Variants in EIF5A observed in about 807,000 individuals in gnomAD.
The protein encoded by EIF5A is eukaryotic translation initiation factor 5A.
A neutral mutation model predicts 16.6 loss-of-function variants in EIF5A; 1 was observed. The observed-to-expected ratio is 0.06, with a 90% CI of 0.02 to 0.28. The LOEUF (loss-of-function observed/expected upper bound fraction) is 0.28. Among genes scored for constraint, EIF5A ranks in the 10% least tolerant of loss-of-function variants. The pLI is 1.00. For missense variants in EIF5A, 29 were observed against 196.1 expected (o/e 0.15, Z 5.09); for synonymous variants, 80 against 73.6 (o/e 1.09, Z -0.44).
chr17:7,310,501 C>G, intron 2 of EIF5A: 1 of 1,170,534 alleles, frequency 8.5e-7, no homozygotes, highest in Non-Finnish European at 1.1e-6. Context: ...TGACATTGAT[C>G]TTGGATTATT....
intron 1 of EIF5A, chr17:7,308,454 G>A (rs2072702800): frequency 2.2e-6 from 3 of 1,338,572 alleles, no homozygotes; most frequent in Non-Finnish European, 3.0e-6. Flanking sequence ...GTGGAAGCCG[G>A]AGGCTCGGGT....
chr17:7,311,693 T>TAA, intron 5 of EIF5A, 42 bp downstream of exon 5: 5 of 1,612,204 alleles, frequency 3.1e-6, no homozygotes, highest in Non-Finnish European at 4.2e-6. Flanking sequence ...CACATTTTGT[T>TAA]GTCCTCAGCA....
chr17:7,307,629 T>A lies in EIF5A; in HGVS notation c.-145T>A. ...GGTCAGTGGGGAGTCGGCGCCTGCGTACTAAGACCCGTGTGCAGCAGCGGC... is the reference window on the plus strand; with the variant it reads ...GGTCAGTGGGGAGTCGGCGCCTGCGAACTAAGACCCGTGTGCAGCAGCGGC... On this transcript the variant is annotated 5_prime_UTR_variant, in exon 1 of 6. Transcript: ENST00000336458. 1 of 1,032,922 alleles carries A rather than the reference T, an allele frequency of 9.7e-7. No homozygotes were observed. The highest frequency in any genetic ancestry group is 1.2e-6 in the Non-Finnish European group (1 of 859,854). The allele number at this position is 1,032,922 out of a possible 1,614,324, so 64.0% of individuals were successfully genotyped here. A position where few individuals can be genotyped will look rare whatever the true frequency, so the allele number is the denominator to read the frequency against.
chr17:7,311,326 G>C (rs1448882966), intron 3 of EIF5A, 24 bp from the exon 4 acceptor site: 1 of 1,613,948 alleles, frequency 6.2e-7, no homozygotes, highest in Admixed American at 1.7e-5. Context: ...ACTACCTTCA[G>C]CCTCCTTCCC....
chr17:7,309,584 T>G (rs2072753258), intron 1 of EIF5A, 31 bp from the exon 2 acceptor site: 3 of 1,613,384 alleles, frequency 1.9e-6, no homozygotes, highest in East Asian at 2.2e-5. Flanking sequence ...ACCTCCATGC[T>G]TATTCACTTC....
rs1023538696 is a variant in EIF5A at position 7,311,970 on chromosome 17, G to A, written c.*160G>A. On this transcript the variant is annotated 3_prime_UTR_variant, in exon 6 of 6. Transcript: ENST00000336458. The stretch of plus-strand genomic sequence containing the variant: ...GTTTTCCCCACCCCCTCAATCTGTC[G>A]GGGAGCCCCTGCCCTTCACCTAGCT... The A allele has an allele frequency of 1.2e-5, 5 of 423,304 alleles. No individual in the cohort carries two copies. The highest frequency in any genetic ancestry group is 2.3e-5 in the Non-Finnish European group (5 of 222,218). 26.2% of individuals were successfully genotyped at this position (423,304 alleles called of 1,614,324 possible).
At chr17:7,307,490 G>A, upstream of EIF5A, 1 of 1,034,132 alleles carries the variant, frequency 9.7e-7, no homozygotes, top group Non-Finnish European at 1.2e-6. Flanking sequence ...CATTGGACGG[G>A]TCGGTGGGAG....
chr17:7,310,530 T>TCTCTGTGCTCTTCTGG, intron 2 of EIF5A: 1 of 1,131,002 alleles, frequency 8.8e-7, no homozygotes, highest in Non-Finnish European at 1.1e-6. Context: ...TCTGGATCCC[T>TCTCTGTGCTCTTCTGG]CTCTGTGCTC....
rs1222081457 is a variant in EIF5A at position 7,312,351 on chromosome 17, A to G, written c.*541A>G. ...GAGGGGACCTGCCCCCTCCTCAGGCATCTGGGAGGGCCCTGCCCCCATGGG... is the reference window on the plus strand; with the variant it reads ...GAGGGGACCTGCCCCCTCCTCAGGCGTCTGGGAGGGCCCTGCCCCCATGGG... On this transcript the variant is annotated 3_prime_UTR_variant, in exon 6 of 6. Transcript: ENST00000336458. 5.1e-6 allele frequency: 1 copy of G among 197,964 alleles called. No individual in the cohort carries two copies. Among genetic ancestry groups the G allele is most frequent in the African/African-American group, 2.4e-5 (1 of 41,824 alleles). 12.3% of individuals were successfully genotyped at this position (197,964 alleles called of 1,614,324 possible). A position where few individuals can be genotyped will look rare whatever the true frequency, so the allele number is the denominator to read the frequency against.
At chr17:7,310,849 T>A (rs2072803114) in intron 2 of EIF5A, 169 bp from the exon 3 acceptor site, 3 of 985,318 alleles carry the variant, frequency 3.0e-6, no homozygotes, top group South Asian at 9.4e-5. Context: ...CTGTTTTTTT[T>A]CTTTAAGAGG....
At chr17:7,311,515 C>G (rs190355794) in intron 4 of EIF5A, 34 bp downstream of exon 4, 1 of 1,614,158 alleles carries the variant, frequency 6.2e-7, no homozygotes, top group Non-Finnish European at 8.5e-7. Flanking sequence ...CTGTGCTCAG[C>G]TTTGTTCTGT....
intron 5 of EIF5A, 32 bp from the exon 6 acceptor site, chr17:7,311,789 AT>A (rs2072836821): frequency 2.6e-6 from 3 of 1,169,242 alleles, no homozygotes; most frequent in Non-Finnish European, 3.7e-6. Context: ...TGAAGGTATT[AT>A]CCTGTCTTAC....
intron 1 of EIF5A, chr17:7,308,494 C>T (rs773789543): frequency 7.4e-6 from 10 of 1,350,846 alleles, no homozygotes; most frequent in African/African-American, 1.5e-5. Flanking sequence ...CTGCTGCAGG[C>T]ATATGTTAGC....
chr17:7,307,019 G>A (rs1479069957), upstream of EIF5A: 3 of 1,569,800 alleles, frequency 1.9e-6, no homozygotes, highest in East Asian at 4.6e-5. Flanking sequence ...CGCGCTAGAA[G>A]AGTGGGGCGG....
chr17:7,310,001 C>T, intron 2 of EIF5A: 1 of 1,526,272 alleles, frequency 6.6e-7, no homozygotes, highest in Non-Finnish European at 8.8e-7. Flanking sequence ...GGTTACCCTT[C>T]TGTCCCCGCA....
At chr17:7,307,568 A>G, upstream of EIF5A, 1 of 1,006,556 alleles carries the variant, frequency 9.9e-7, no homozygotes, top group Non-Finnish European at 1.2e-6. Flanking sequence ...GGAGATAGAT[A>G]GCACGCTTGC....
chr17:7,307,838 G>T (rs2072671522), intron 1 of EIF5A, 86 bp downstream of exon 1: 2 of 981,706 alleles, frequency 2.0e-6, no homozygotes, highest in South Asian at 4.5e-5. Context: ...GGAGGGGGCA[G>T]AGGGGAGCGG....
upstream of EIF5A, chr17:7,307,512 A>C (rs1008406900): frequency 6.9e-5 from 69 of 994,754 alleles, no homozygotes; most frequent in African/African-American, 2.6e-4. Context: ...GAGGGTGGAG[A>C]TGGGTAGGGT....
upstream of EIF5A, chr17:7,307,058 T>TG (rs1437481725): frequency 2.5e-6 from 4 of 1,602,280 alleles, no homozygotes; most frequent in Admixed American, 1.7e-5. Flanking sequence ...TGTGTGGAAC[T>TG]GGGGGGACTG....
Sources: allele counts gnomAD v4.1 joint callset, GRCh38; gene constraint gnomAD v4.1.1; transcripts MANE v1.5; gene names NCBI Gene and HGNC (gene_info 2026-07-23, HGNC 2026-07-21).